Variants in EXT1 observed in about 807,000 individuals in gnomAD.
EXT1 encodes exostosin-1.
In EXT1, 20 loss-of-function variants were observed where a neutral mutation model predicts 82.5. The observed-to-expected ratio is 0.24, with a 90% CI of 0.17 to 0.35. The LOEUF (loss-of-function observed/expected upper bound fraction) is 0.35. Ranked by LOEUF, EXT1 falls within the 10% of genes least tolerant of loss-of-function variation. The probability of loss-of-function intolerance (pLI) is 1.00; values close to 1 mark genes in which losing one functional copy is unlikely to be tolerated. For missense variants in EXT1, 757 were observed against 936.5 expected (o/e 0.81, Z 2.50); for synonymous variants, 348 against 350.8 (o/e 0.99, Z 0.09).
At chr8:117,856,714 A>G (rs1295105959) in intron 1 of EXT1, among the ~76,000 whole-genome samples, 2 of 152,310 alleles carry the variant, frequency 1.3e-5, no homozygotes, top group East Asian at 3.9e-4. Context: ...GTACTGATCT[A>G]GAAGCTGCAG....
intron 1 of EXT1, among the ~76,000 whole-genome samples, chr8:117,915,750 G>A (rs1813735580): frequency 6.6e-6 from 1 of 152,136 alleles, no homozygotes. Flanking sequence ...CAGCTACTCA[G>A]GAGGCTGAGG....
intron 1 of EXT1, among the ~76,000 whole-genome samples, chr8:118,039,557 C>CAAAAAA (rs71307422): frequency 5.4e-4 from 44 of 82,032 alleles, no homozygotes; most frequent in Non-Finnish European, 6.1e-4. Context: ...GACTCCGTCA[C>CAAAAAA]AAAAAAAAAA....
chr8:117,934,206 T>A (rs924643427), intron 1 of EXT1, among the ~76,000 whole-genome samples: 5 of 152,082 alleles, frequency 3.3e-5, no homozygotes, highest in Admixed American at 6.5e-5. Flanking sequence ...TCGGGTTTTG[T>A]TCTCCTCCAT....
At chr8:118,017,498 A>G (rs1452150470) in intron 1 of EXT1, among the ~76,000 whole-genome samples, 2 of 151,924 alleles carry the variant, frequency 1.3e-5, no homozygotes, top group African/African-American at 4.8e-5. Flanking sequence ...TCACCACTGT[A>G]TCTCCCCTCC....
chr8:117,980,693 TGGTGG>T (rs1563619723), intron 1 of EXT1, among the ~76,000 whole-genome samples: 1 of 27,618 alleles, frequency 3.6e-5, no homozygotes, highest in Admixed American at 4.3e-4. Context: ...GTTCGGGTGT[TGGTGG>T]TTTTTTTTTT....
intron 1 of EXT1, among the ~76,000 whole-genome samples, chr8:117,883,029 T>C (rs1301904760): frequency 6.6e-6 from 1 of 151,586 alleles, no homozygotes; most frequent in Non-Finnish European, 1.5e-5. Context: ...ATCATACTTT[T>C]GTTCAAAGAG....
chr8:117,830,010 T>C (rs1049490334), intron 4 of EXT1, among the ~76,000 whole-genome samples: 4 of 152,216 alleles, frequency 2.6e-5, no homozygotes, highest in Admixed American at 2.0e-4. Context: ...TAAGTATAAT[T>C]TCTCCCCATG....
At chr8:117,927,949 A>ATAT (rs1175129973) in intron 1 of EXT1, among the ~76,000 whole-genome samples, 12 of 152,204 alleles carry the variant, frequency 7.9e-5, no homozygotes, top group African/African-American at 2.9e-4. Context: ...CCTTCTTTTC[A>ATAT]TATTAGCTCC....
intron 1 of EXT1, among the ~76,000 whole-genome samples, chr8:118,034,536 T>C (rs1484444574): frequency 1.3e-5 from 2 of 151,732 alleles, no homozygotes; most frequent in African/African-American, 4.8e-5. Context: ...GCCCTGACAA[T>C]GATGGAAAAG....
At chr8:118,065,014 A>G (rs1419573217) in intron 1 of EXT1, among the ~76,000 whole-genome samples, 1 of 151,752 alleles carries the variant, frequency 6.6e-6, no homozygotes, top group Non-Finnish European at 1.5e-5. Flanking sequence ...CACCACACCC[A>G]GCTAATTTTT....
chr8:118,012,630 C>T (rs1258809428), intron 1 of EXT1, among the ~76,000 whole-genome samples: 1 of 152,220 alleles, frequency 6.6e-6, no homozygotes, highest in African/African-American at 2.4e-5. Context: ...TGCTGTTTGA[C>T]CTGGGGCTGT....
intron 1 of EXT1, among the ~76,000 whole-genome samples, chr8:117,841,769 T>A (rs1202309974): frequency 6.6e-6 from 1 of 152,050 alleles, no homozygotes; most frequent in Non-Finnish European, 1.5e-5. Flanking sequence ...GCCATAATCA[T>A]TTTATACTTA....
intron 2 of EXT1, among the ~76,000 whole-genome samples, chr8:117,836,076 C>T (rs1812184823): frequency 6.6e-6 from 1 of 152,188 alleles, no homozygotes; most frequent in Non-Finnish European, 1.5e-5. Flanking sequence ...TGCAAACACC[C>T]AAACCAGAAC....
rs374123203 is a variant in EXT1, at chr8:118,007,161, T to G, written c.962+102924A>C. ...AAATACAAAAAATTAGCTGGGCGTGTTGGCGGGCGCCTGTAGTCCCAGCTA... is the reference window on the plus strand; with the variant it reads ...AAATACAAAAAATTAGCTGGGCGTGGTGGCGGGCGCCTGTAGTCCCAGCTA... On this transcript the variant is annotated intron_variant, in intron 1 of 10. Transcript: ENST00000378204. Among the ~76,000 whole-genome samples, 26 of 152,100 alleles carry G rather than the reference T, an allele frequency of 1.7e-4. No homozygotes were observed. The East Asian group carries it at 4.1e-3, about 24-fold the overall frequency.
chr8:117,883,808 C>T lies in EXT1; in HGVS notation c.963-46607G>A, dbSNP rs141660857. Among the ~76,000 whole-genome samples the T allele has an allele frequency of 4.9e-3, 746 of 152,312 alleles. 5 individuals carry two copies. Among genetic ancestry groups the T allele is most frequent in the Non-Finnish European group, 6.0e-3 (407 of 68,024 alleles). ...TCAGCTGGAGCTTAGACCAGGCAGC[C>T]GTCTAACAGCATTAGCAGGTAAACT... is the stretch of plus-strand genomic sequence containing the variant. On this transcript the variant is annotated intron_variant, in intron 1 of 10. Coordinates refer to ENST00000378204, the MANE Select transcript of EXT1 (RefSeq NM_000127.3).
At chr8:118,100,470 C>T (rs572719519) in intron 1 of EXT1, among the ~76,000 whole-genome samples, 78 of 152,246 alleles carry the variant, frequency 5.1e-4, no homozygotes, top group Admixed American at 1.8e-3. Context: ...CAATTGGAGG[C>T]GGGGTGCGGA....
intron 1 of EXT1, among the ~76,000 whole-genome samples, chr8:118,004,315 G>A (rs779887514): frequency 1.3e-5 from 2 of 152,240 alleles, no homozygotes; most frequent in Admixed American, 6.5e-5. Flanking sequence ...GTGTATGCAC[G>A]TGCATGTGGG....
In EXT1 at chr8:117,901,967, G is replaced by A. The variant is rs911912265; in HGVS notation, c.963-64766C>T. The stretch of plus-strand genomic sequence containing the variant: ...CCTGCTTTGGCCTCTCAAAGTGCTG[G>A]GATTATAGGTGTGAGCCACTGCGCC... On this transcript the variant is annotated intron_variant, in intron 1 of 10. Coordinates refer to ENST00000378204, the MANE Select transcript of EXT1 (RefSeq NM_000127.3). Among the ~76,000 whole-genome samples, 4 of 151,778 alleles carry A rather than the reference G, an allele frequency of 2.6e-5. 1 individual carries two copies. Among genetic ancestry groups the A allele is most frequent in the Non-Finnish European group, 5.9e-5 (4 of 67,974 alleles).
At chr8:118,021,241 T>C (rs1180512164) in intron 1 of EXT1, among the ~76,000 whole-genome samples, 1 of 152,224 alleles carries the variant, frequency 6.6e-6, no homozygotes, top group Non-Finnish European at 1.5e-5. Context: ...TGGCAGACAG[T>C]TGATCATGTA....
Sources: allele counts gnomAD v4.1 joint callset (sites outside exome capture counted in the v4.1 genomes callset), GRCh38; gene constraint gnomAD v4.1.1; transcripts MANE v1.5; gene names NCBI Gene and HGNC (gene_info 2026-07-23, HGNC 2026-07-21).